ATP8A2: variants seen among roughly 807,000 people sequenced by gnomAD.
ATP8A2 encodes the protein phospholipid-transporting ATPase IB.
ATP8A2 carries 100 observed loss-of-function variants against 165.6 expected under a neutral mutation model. That is an observed-to-expected ratio of 0.60 (90% CI 0.51 to 0.71). ATP8A2 has a LOEUF of 0.71. Ranked by LOEUF, ATP8A2 falls within the 30% of genes least tolerant of loss-of-function variation. The probability of loss-of-function intolerance (pLI) is 0.00; values close to 1 mark genes in which losing one functional copy is unlikely to be tolerated. For missense variants in ATP8A2, 1,227 were observed against 1,479.5 expected (o/e 0.83, Z 2.80); for synonymous variants, 543 against 548.8 (o/e 0.99, Z 0.15).
intron 35 of ATP8A2, among the ~76,000 whole-genome samples, chr13:25,975,394 A>G (rs1369218519): frequency 1.3e-5 from 2 of 151,496 alleles, no homozygotes; most frequent in African/African-American, 2.4e-5. Context: ...TGGCTAACAC[A>G]GTGAAATCCC....
chr13:25,395,058 A>G (rs180755702), intron 1 of ATP8A2, among the ~76,000 whole-genome samples: 105 of 152,284 alleles, frequency 6.9e-4, no homozygotes, highest in African/African-American at 2.5e-3. Context: ...CTCTCTCTAT[A>G]TACATACAAA....
At chr13:25,835,505 G>A (rs535948949) in intron 28 of ATP8A2, among the ~76,000 whole-genome samples, 29 of 152,000 alleles carry the variant, frequency 1.9e-4, no homozygotes, top group African/African-American at 6.5e-4. Flanking sequence ...CAGAATTCTC[G>A]TACAGACACA....
chr13:25,529,857 G>C, intron 2 of ATP8A2, 142 bp from the exon 3 acceptor site: 1 of 550,442 alleles, frequency 1.8e-6, no homozygotes, highest in South Asian at 2.7e-5. Context: ...TTTAGGAGAA[G>C]ATACACAGCA....
chr13:25,436,906 A>T (rs140468699), intron 1 of ATP8A2, among the ~76,000 whole-genome samples: 4,932 of 151,920 alleles, frequency 0.032, 123 homozygotes, highest in South Asian at 0.11. Flanking sequence ...CCTCCTGAGT[A>T]GCTGGGACTA....
At chr13:25,799,600 G>T (rs1950577633) in intron 27 of ATP8A2, among the ~76,000 whole-genome samples, 1 of 152,154 alleles carries the variant, frequency 6.6e-6, no homozygotes, top group African/African-American at 2.4e-5. Context: ...CACGTTGGAG[G>T]GCAGCTGTGG....
intron 36 of ATP8A2, among the ~76,000 whole-genome samples, chr13:26,014,323 G>C (rs113897331): frequency 0.013 from 2,009 of 152,310 alleles, 58 homozygotes; most frequent in African/African-American, 0.046. Context: ...AAGGAAGAAG[G>C]CTTTATCTGG....
At chr13:25,848,395 A>G (rs74039532) in intron 30 of ATP8A2, among the ~76,000 whole-genome samples, 1,829 of 152,322 alleles carry the variant, frequency 0.012, 39 homozygotes, top group African/African-American at 0.04. Context: ...GATTGGCAAG[A>G]ACTAGTCACA....
At chr13:25,494,115 G>GCC (rs2036603989) in intron 2 of ATP8A2, among the ~76,000 whole-genome samples, 3 of 151,984 alleles carry the variant, frequency 2.0e-5, no homozygotes, top group Non-Finnish European at 4.4e-5. Context: ...GAACAGCCAG[G>GCC]ATGGTGCATG....
At chr13:25,731,487 A>G (rs1174493578) in intron 25 of ATP8A2, among the ~76,000 whole-genome samples, 2 of 151,880 alleles carry the variant, frequency 1.3e-5, no homozygotes, top group African/African-American at 4.8e-5. Context: ...CGTGCCTGCT[A>G]TTTTTTCAAT....
chr13:25,656,286 TG>T (rs200420994), intron 24 of ATP8A2, among the ~76,000 whole-genome samples: 5,085 of 151,362 alleles, frequency 0.034, 142 homozygotes, highest in East Asian at 0.12. Context: ...GATTTTTTTT[TG>T]TTTTTTGAAA....
rs370053576 is a variant in ATP8A2, at chr13:25,530,012, A to G, written c.235A>G (p.Ser79Gly). ...RDNQISTAKY[S>G]VLTFLPRFLY... ...TTGCACTTACAGTACGGCCAAGTAC[A>G]GCGTGTTGACATTTCTACCTCGATT... Residue 79 changes from serine (S) to glycine (G), a missense_variant, in exon 3 of 37, where the codon AGC (serine) becomes GGC (glycine). Ser to Gly is a moderately conservative substitution (Grantham distance 56, BLOSUM62 0). Transcript: ENST00000381655. The G allele has an allele frequency of 3.7e-6, 6 of 1,609,938 alleles. No homozygotes were observed. The African/African-American group carries it at 6.7e-5, about 18-fold the overall frequency.
chr13:25,528,376 A>T (rs1450727485), intron 2 of ATP8A2, among the ~76,000 whole-genome samples: 9 of 151,682 alleles, frequency 5.9e-5, no homozygotes, highest in African/African-American at 2.2e-4. Flanking sequence ...AACTCTGATC[A>T]CTGTATTGTG....
At chr13:25,708,485 A>G (rs1280614694) in intron 25 of ATP8A2, among the ~76,000 whole-genome samples, 2 of 152,044 alleles carry the variant, frequency 1.3e-5, no homozygotes, top group Non-Finnish European at 2.9e-5. Flanking sequence ...TATGTTATCC[A>G]TTTTCCTGTC....
rs1188066533 is a variant in ATP8A2 at position 26,012,637 on chromosome 13, CG to C, written c.3469+20del. The C allele has an allele frequency of 7.0e-7, 1 of 1,429,516 alleles. No homozygotes were observed. The allele number at this position is 1,429,516 out of a possible 1,614,324, so 88.6% of individuals were successfully genotyped here. A position where few individuals can be genotyped will look rare whatever the true frequency, so the allele number is the denominator to read the frequency against. On this transcript the variant is annotated intron_variant, in intron 36 of 36. Transcript: ENST00000381655. ...GGGCGTCCCGCGTGAGTACCGCGGG[CG>C]GGGGCTGATGGAGGAGTGGGTGTCG...
In ATP8A2 at chr13:25,769,160, C is replaced by A; in HGVS notation, c.2499C>A (p.His833Gln). 1 of 1,614,062 alleles carries A rather than the reference C, an allele frequency of 6.2e-7. No individual in the cohort carries two copies. The highest frequency in any genetic ancestry group is 8.5e-7 in the Non-Finnish European group (1 of 1,179,944). Residue 833 changes from histidine (H) to glutamine (Q), a missense_variant, in exon 26 of 37, where the codon CAC becomes CAA. This residue lies in a region of ATP8A2 where 592 missense variants were observed against 785.6 expected (regional missense o/e 0.75). Coordinates refer to ENST00000381655, the MANE Select transcript of ATP8A2 (RefSeq NM_016529.6). ...ANDVGMIQTAHVGVGISGNEG... is the reference protein window; with the variant it reads ...ANDVGMIQTAQVGVGISGNEG... The stretch of plus-strand genomic sequence containing the variant: ...ATGTCGGGATGATCCAGACAGCCCA[C>A]GTGGGTGTGGGAATCAGTGGGAATG...
intron 24 of ATP8A2, among the ~76,000 whole-genome samples, chr13:25,612,450 T>C (rs997349680): frequency 6.6e-6 from 1 of 152,156 alleles, no homozygotes; most frequent in Non-Finnish European, 1.5e-5. Context: ...GTTTTGAGGG[T>C]TCCTTTTGAA....
chr13:25,426,500 C>T lies in ATP8A2; in HGVS notation c.77-42477C>T, dbSNP rs527402926. On this transcript the variant is annotated intron_variant, in intron 1 of 36. Coordinates refer to ENST00000381655, the MANE Select transcript of ATP8A2 (RefSeq NM_016529.6). ...ACATGAGATTTGAGGGGACAAATAT[C>T]CAAACTATATGAAGCACGGAGGATT... Among the ~76,000 whole-genome samples, 13 of 152,258 alleles carry T rather than the reference C, an allele frequency of 8.5e-5. No individual in the cohort carries two copies. The South Asian group carries it at 2.3e-3, about 27-fold the overall frequency.
chr13:25,516,474 A>T (rs1195247219), intron 2 of ATP8A2, among the ~76,000 whole-genome samples: 2 of 152,190 alleles, frequency 1.3e-5, no homozygotes, highest in African/African-American at 4.8e-5. Flanking sequence ...TGAATTCTGA[A>T]TGAAAGGCCA....
intron 25 of ATP8A2, among the ~76,000 whole-genome samples, chr13:25,742,087 A>G (rs1253582646): frequency 6.6e-6 from 1 of 152,258 alleles, no homozygotes; most frequent in African/African-American, 2.4e-5. Flanking sequence ...ACACAAACCT[A>G]GATGAGATAG....
Sources: allele counts gnomAD v4.1 joint callset (sites outside exome capture counted in the v4.1 genomes callset), GRCh38; gene constraint gnomAD v4.1.1; regional missense constraint gnomAD v4.1.1; transcripts MANE v1.5; gene names NCBI Gene and HGNC (gene_info 2026-07-23, HGNC 2026-07-21).